Variants in SHISA9 observed in about 807,000 individuals in gnomAD.
The protein encoded by SHISA9 is shisa family member 9.
In SHISA9, 13 loss-of-function variants were observed where a neutral mutation model predicts 38.0. That is an observed-to-expected ratio of 0.34 (90% CI 0.22 to 0.54). The LOEUF (loss-of-function observed/expected upper bound fraction) is 0.54. Ranked by LOEUF, SHISA9 falls within the 20% of genes least tolerant of loss-of-function variation. The pLI is 0.91. For synonymous variants in SHISA9, 275 were observed against 242.0 expected (o/e 1.14, Z -1.27); for missense variants, 538 against 575.8 (o/e 0.93, Z 0.67).
chr16:13,210,783 A>G (rs1053111799), intron 3 of SHISA9, among the ~76,000 whole-genome samples: 1 of 152,218 alleles, frequency 6.6e-6, no homozygotes, highest in South Asian at 2.1e-4. Context: ...TTATTTCCCC[A>G]TAATCCGTAC....
the SHISA9 span, among the ~76,000 whole-genome samples, chr16:13,338,144 T>A: frequency 6.6e-6 from 1 of 152,160 alleles, no homozygotes; most frequent in South Asian, 2.1e-4. Context: ...AGGAGACAGC[T>A]TACCCAACGT....
intron 1 of SHISA9, among the ~76,000 whole-genome samples, chr16:12,905,935 G>A (rs1282107107): frequency 3.9e-5 from 6 of 152,208 alleles, no homozygotes; most frequent in African/African-American, 1.4e-4. Flanking sequence ...CTCAACGTAT[G>A]TAACTTTTCT....
At chr16:13,466,504 C>T in the SHISA9 span, among the ~76,000 whole-genome samples, 1 of 152,138 alleles carries the variant, frequency 6.6e-6, no homozygotes, top group African/African-American at 2.4e-5. Flanking sequence ...CACCAAGTAA[C>T]AAGCCATGAC....
intron 1 of SHISA9, among the ~76,000 whole-genome samples, chr16:12,911,970 G>A (rs2071189931): frequency 6.6e-6 from 1 of 152,196 alleles, no homozygotes; most frequent in Non-Finnish European, 1.5e-5. Context: ...AATTTAATCT[G>A]TGCATCCCCT....
chr16:13,289,781 A>G, the SHISA9 span, among the ~76,000 whole-genome samples: 4 of 152,130 alleles, frequency 2.6e-5, no homozygotes, highest in Admixed American at 2.0e-4. Flanking sequence ...CCAAACTCTC[A>G]TGTCTTTTTC....
At chr16:13,357,598 A>G in the SHISA9 span, among the ~76,000 whole-genome samples, 3 of 152,132 alleles carry the variant, frequency 2.0e-5, no homozygotes, top group Non-Finnish European at 2.9e-5. Flanking sequence ...GTGTGAAGAG[A>G]CCACCAAACA....
intron 2 of SHISA9, among the ~76,000 whole-genome samples, chr16:13,064,183 C>T (rs1409632723): frequency 6.6e-6 from 1 of 152,166 alleles, no homozygotes; most frequent in Non-Finnish European, 1.5e-5. Flanking sequence ...TTTGACTCAA[C>T]TTTTGCACTG....
intron 2 of SHISA9, among the ~76,000 whole-genome samples, chr16:13,134,254 CTTAAT>C (rs1265462688): frequency 1.3e-5 from 2 of 152,186 alleles, no homozygotes; most frequent in South Asian, 2.1e-4. Context: ...TAATACCTAT[CTTAAT>C]TTAATTTAAA....
At chr16:13,119,751 C>T (rs998119287) in intron 2 of SHISA9, among the ~76,000 whole-genome samples, 8 of 152,080 alleles carry the variant, frequency 5.3e-5, no homozygotes, top group Admixed American at 1.3e-4. Context: ...GAGGACTGTT[C>T]GATGGATCTT....
At chr16:13,483,267 T>C in the SHISA9 span, among the ~76,000 whole-genome samples, 3 of 152,104 alleles carry the variant, frequency 2.0e-5, no homozygotes, top group Non-Finnish European at 2.9e-5. Flanking sequence ...TAGGGCTGGA[T>C]TGGTTGCAGT....
the SHISA9 span, among the ~76,000 whole-genome samples, chr16:13,327,514 A>T: frequency 6.6e-6 from 1 of 151,592 alleles, no homozygotes; most frequent in African/African-American, 2.4e-5. Context: ...CACTCGGGAG[A>T]CTGAGGCAGG....
chr16:13,418,430 T>A, the SHISA9 span, among the ~76,000 whole-genome samples: 1 of 152,176 alleles, frequency 6.6e-6, no homozygotes, highest in Non-Finnish European at 1.5e-5. Flanking sequence ...CTTCACCATG[T>A]GGCATCTGCT....
chr16:13,006,062 G>A (rs12931202), intron 2 of SHISA9, among the ~76,000 whole-genome samples: 27,985 of 152,144 alleles, frequency 0.18, 3,350 homozygotes, highest in Middle Eastern at 0.31. Flanking sequence ...AAGCATGCGC[G>A]CACGCACACA....
At chr16:13,216,184 CAAAAAAAAAA>C (rs929173872) in intron 4 of SHISA9, among the ~76,000 whole-genome samples, 2 of 113,044 alleles carry the variant, frequency 1.8e-5, no homozygotes, top group African/African-American at 6.6e-5. Flanking sequence ...GAGACTCTGT[CAAAAAAAAAA>C]AAAAAAAAAA....
At chr16:13,302,445 T>C in the SHISA9 span, among the ~76,000 whole-genome samples, 1 of 152,138 alleles carries the variant, frequency 6.6e-6, no homozygotes, top group South Asian at 2.1e-4. Context: ...GAGGAATAAA[T>C]GGAGCCCCTC....
chr16:13,291,380 C>T, the SHISA9 span, among the ~76,000 whole-genome samples: 1 of 152,136 alleles, frequency 6.6e-6, no homozygotes, highest in African/African-American at 2.4e-5. Flanking sequence ...TGAAATATAC[C>T]TAATTTTTGC....
chr16:13,554,994 T>C, the SHISA9 span, among the ~76,000 whole-genome samples: 1 of 152,228 alleles, frequency 6.6e-6, no homozygotes, highest in Non-Finnish European at 1.5e-5. Flanking sequence ...TTTACTCAAA[T>C]CAATAAATCC....
rs144420065 is a variant in SHISA9, at chr16:12,912,660, G to A, written c.564-4028G>A. On this transcript the variant is annotated intron_variant, in intron 1 of 4. Transcript: ENST00000558583. ...CTTTCTTTCCCTGTAGCCCCTTTGA[G>A]TTTCAGACCCTGCTTATTGCACGGA... Among the ~76,000 whole-genome samples the A allele has an allele frequency of 4.1e-3, 620 of 152,272 alleles. 3 individuals are homozygous for A. The highest frequency in any genetic ancestry group is 0.017 in the Middle Eastern group (5 of 294).
At chr16:13,064,784 C>CAAAAAAAAAAA (rs72435637) in intron 2 of SHISA9, among the ~76,000 whole-genome samples, 18 of 82,346 alleles carry the variant, frequency 2.2e-4, no homozygotes, top group Non-Finnish European at 4.7e-4. Flanking sequence ...AGTTGTAAGG[C>CAAAAAAAAAAA]AAAAAAAAAA....
Sources: gnomAD v4.1 joint callset for allele counts (sites outside exome capture counted in the v4.1 genomes callset) on GRCh38, gnomAD v4.1.1 for gene constraint, MANE v1.5 for transcripts, NCBI Gene and HGNC (gene_info 2026-07-23, HGNC 2026-07-21) for gene names.